SPTY2D1: variants seen among roughly 807,000 people sequenced by gnomAD.
SPTY2D1 encodes SPT2 chromatin protein domain containing 1.
SPTY2D1 carries 21 observed loss-of-function variants against 64.0 expected under a neutral mutation model. That is an observed-to-expected ratio of 0.33 (90% CI 0.23 to 0.47). SPTY2D1 has a LOEUF of 0.47. Ranked by LOEUF, SPTY2D1 falls within the 20% of genes least tolerant of loss-of-function variation. The pLI is 1.00. For missense variants in SPTY2D1, 724 were observed against 837.2 expected (o/e 0.86, Z 1.67); for synonymous variants, 287 against 286.8 (o/e 1.00, Z -0.01).
intron 5 of SPTY2D1, among the ~76,000 whole-genome samples, chr11:18,610,667 T>TAATTA (rs1854187751): frequency 1.0e-5 from 1 of 96,730 alleles, no homozygotes; most frequent in East Asian, 3.4e-4. Context: ...CCCTGTCTCT[T>TAATTA]AAAAAAAAAA....
rs777411365 is a variant in SPTY2D1 at position 18,631,670 on chromosome 11, CTTTA to C, written c.60+2524_60+2527del. On this transcript the variant is annotated intron_variant, in intron 1 of 5. Transcript: ENST00000336349. ...ATAGATGGCAAAAAAAGAAAAAAAG[CTTTA>C]TTTCTTTTAAAATAGATGGAATAAA... Among the ~76,000 whole-genome samples the C allele has an allele frequency of 2.8e-4, 41 of 147,820 alleles. 1 individual carries two copies. In the East Asian group the frequency reaches 5.1e-3, roughly 18 times the overall value.
rs1238333953 is a variant in SPTY2D1 at position 18,612,721 on chromosome 11, T to C, written c.1712-233A>G. Among the ~76,000 whole-genome samples the C allele has an allele frequency of 6.6e-6, 1 of 152,050 alleles. No homozygotes were observed. The highest frequency in any genetic ancestry group is 1.5e-5 in the Non-Finnish European group (1 of 68,002). On this transcript the variant is annotated intron_variant, in intron 3 of 5. Transcript: ENST00000336349. This position sits in a 1 kb window ranked among gnomAD's most constrained non-coding sequence, Gnocchi z 4.6. Reference sequence around the variant, plus strand: ...TATCTTGTTACATTTTCTAGCTTAGTAGTGCCAATATTTCTGAATTTATAA... The same window carrying C: ...TATCTTGTTACATTTTCTAGCTTAGCAGTGCCAATATTTCTGAATTTATAA...
In SPTY2D1 at chr11:18,608,249, C is replaced by A. The variant is rs1246478160; in HGVS notation, c.*1612G>T. On this transcript the variant is annotated 3_prime_UTR_variant, in exon 6 of 6. Transcript: ENST00000336349. ...TGGGATTCAACTTAAAAATTAAATCCTTGCACTTTCAAAGTTTGAAACTCA... is the reference window on the plus strand; with the variant it reads ...TGGGATTCAACTTAAAAATTAAATCATTGCACTTTCAAAGTTTGAAACTCA... 3.9e-5 allele frequency: 6 copies of A among 152,698 alleles called. No individual in the cohort carries two copies. In the East Asian group the frequency reaches 1.2e-3, roughly 29 times the overall value. The allele number at this position is 152,698 out of a possible 1,614,324, so 9.5% of individuals were successfully genotyped here. A position where few individuals can be genotyped will look rare whatever the true frequency, so the allele number is the denominator to read the frequency against.
chr11:18,609,754 G>A lies in SPTY2D1; in HGVS notation c.*107C>T, dbSNP rs970081050. 2 of 904,030 alleles carry A rather than the reference G, an allele frequency of 2.2e-6. No individual in the cohort carries two copies. The highest frequency in any genetic ancestry group is 3.5e-6 in the Non-Finnish European group (2 of 577,496). The allele number at this position is 904,030 out of a possible 1,614,324, so 56.0% of individuals were successfully genotyped here. A position where few individuals can be genotyped will look rare whatever the true frequency, so the allele number is the denominator to read the frequency against. ...ATGACAGTATGCATTCCTTCTCCTT[G>A]AGTACCCAAGTATAAATCTAAAATG... On this transcript the variant is annotated 3_prime_UTR_variant, in exon 6 of 6. Coordinates refer to ENST00000336349, the MANE Select transcript of SPTY2D1 (RefSeq NM_194285.3).
intron 1 of SPTY2D1, among the ~76,000 whole-genome samples, chr11:18,622,086 C>CAAAAAAAAA (rs747593791): frequency 0.032 from 378 of 11,814 alleles, 49 homozygotes; most frequent in Non-Finnish European, 0.035. Context: ...GACCCTATCT[C>CAAAAAAAAA]AAAAAAAAAA....
intron 2 of SPTY2D1, 24 bp downstream of exon 2, chr11:18,616,851 G>A: frequency 6.2e-7 from 1 of 1,602,480 alleles, no homozygotes; most frequent in Non-Finnish European, 8.5e-7. Context: ...CTTTAAAATT[G>A]AGAATAAGGC....
chr11:18,633,031 C>T (rs1027164876), intron 1 of SPTY2D1, among the ~76,000 whole-genome samples: 2 of 152,134 alleles, frequency 1.3e-5, no homozygotes, highest in Admixed American at 1.3e-4. Context: ...ATACCTTCAA[C>T]ATGCAAAGCT....
intron 2 of SPTY2D1, among the ~76,000 whole-genome samples, 194 bp downstream of exon 2, chr11:18,616,681 C>T (rs1180558656): frequency 6.6e-6 from 1 of 151,812 alleles, no homozygotes; most frequent in Non-Finnish European, 1.5e-5. Flanking sequence ...AACGTTTATA[C>T]AAATGATCGA....
Position 18,614,546 on chromosome 11 carries a change from G to A in SPTY2D1, c.1711+17C>T. On this transcript the variant is annotated intron_variant, in intron 3 of 5. Transcript: ENST00000336349. The stretch of plus-strand genomic sequence containing the variant: ...TAATGACAAATATATACTCTTTCGG[G>A]TGAGGGGAAATTTTACCTTGGGCAG... The A allele has an allele frequency of 6.3e-7, 1 of 1,588,562 alleles. No individual in the cohort carries two copies. Among genetic ancestry groups the A allele is most frequent in the Non-Finnish European group, 8.6e-7 (1 of 1,165,832 alleles).
At chr11:18,628,907 T>G (rs1408142661) in intron 1 of SPTY2D1, among the ~76,000 whole-genome samples, 1 of 152,236 alleles carries the variant, frequency 6.6e-6, no homozygotes, top group Non-Finnish European at 1.5e-5. Flanking sequence ...TATCATTTTT[T>G]ATGCAGACTA....
At chr11:18,623,555 C>T (rs941505485) in intron 1 of SPTY2D1, among the ~76,000 whole-genome samples, 1 of 152,166 alleles carries the variant, frequency 6.6e-6, no homozygotes. Flanking sequence ...ATAATATCTA[C>T]AATCAGTTGA....
In SPTY2D1 at chr11:18,612,497, C is replaced by T. The variant is rs200660778; in HGVS notation, c.1712-9G>A. The T allele has an allele frequency of 1.6e-4, 254 of 1,574,428 alleles. No homozygotes were observed. In the African/African-American group the frequency reaches 2.6e-3, roughly 16 times the overall value. On this transcript the variant is annotated splice_polypyrimidine_tract_variant and intron_variant, in intron 3 of 5. Transcript: ENST00000336349. The surrounding 1 kb of genome is among the most constrained non-coding windows in gnomAD (Gnocchi z 4.6). ...GGGAAGCCTTTGAGGACCTAAGAAACCATTATTTATAAGAATATTACAATT... is the reference window on the plus strand; with the variant it reads ...GGGAAGCCTTTGAGGACCTAAGAAATCATTATTTATAAGAATATTACAATT...
At chr11:18,619,261 A>G (rs1201527852) in intron 1 of SPTY2D1, among the ~76,000 whole-genome samples, 1 of 151,950 alleles carries the variant, frequency 6.6e-6, no homozygotes, top group African/African-American at 2.4e-5. Flanking sequence ...GCACACACTC[A>G]CTCCACTCCA....
intron 1 of SPTY2D1, among the ~76,000 whole-genome samples, chr11:18,628,327 T>C (rs1472197812): frequency 2.0e-5 from 3 of 152,244 alleles, no homozygotes; most frequent in Admixed American, 2.0e-4. Flanking sequence ...TGTGGATGTA[T>C]GTTTTCCTTT....
Position 18,615,634 on chromosome 11 carries a change from T to C in SPTY2D1, c.640A>G (p.Arg214Gly), listed in dbSNP as rs1854287035. The C allele has an allele frequency of 1.2e-5, 20 of 1,614,196 alleles. No homozygotes were observed. Among genetic ancestry groups the C allele is most frequent in the Non-Finnish European group, 1.5e-5 (18 of 1,180,028 alleles). The part of the protein sequence containing the change: ...EREFLERKHR[R>G]KKLETDGKLP... ...TTTCCATCTGTCTCAAGTTTTTTTCTCCTATGCTTTCGTTCAAGGAATTCT... is the reference window on the plus strand; with the variant it reads ...TTTCCATCTGTCTCAAGTTTTTTTCCCCTATGCTTTCGTTCAAGGAATTCT... Residue 214 changes from arginine (R) to glycine (G), a missense_variant, in exon 3 of 6, where the codon AGA becomes GGA. By Grantham distance (125) the Arg-to-Gly change is moderately radical. Transcript: ENST00000336349.
intron 1 of SPTY2D1, among the ~76,000 whole-genome samples, chr11:18,626,104 C>T (rs1224513601): frequency 6.6e-6 from 1 of 152,210 alleles, no homozygotes; most frequent in Non-Finnish European, 1.5e-5. Context: ...AGGCGTGAGC[C>T]ACAATGCCTG....
chr11:18,610,254 TTAAC>T (rs1327223515), intron 5 of SPTY2D1: 16 of 266,164 alleles, frequency 6.0e-5, no homozygotes, highest in Admixed American at 3.9e-4. Context: ...CATTTATTCA[TTAAC>T]TAACATTCTA....
chr11:18,610,134 C>A, intron 5 of SPTY2D1, 180 bp from the exon 6 acceptor site: 1 of 504,234 alleles, frequency 2.0e-6, no homozygotes, highest in East Asian at 3.1e-5. Context: ...GCCACAGACT[C>A]AAATTGTCGT....
chr11:18,621,520 A>G (rs1344627499), intron 1 of SPTY2D1, among the ~76,000 whole-genome samples: 1 of 152,136 alleles, frequency 6.6e-6, no homozygotes, highest in Non-Finnish European at 1.5e-5. Context: ...ATCAATTTAT[A>G]TGTCAACTTC....
Sources: gnomAD v4.1 joint callset for allele counts (sites outside exome capture counted in the v4.1 genomes callset) on GRCh38, gnomAD v4.1.1 for gene constraint, Gnocchi (gnomAD v3.1) non-coding constraint, MANE v1.5 for transcripts, NCBI Gene and HGNC (gene_info 2026-07-23, HGNC 2026-07-21) for gene names.